Variants in RNF169 observed in about 807,000 individuals in gnomAD.
RNF169 encodes ring finger protein 169.
RNF169 carries 24 observed loss-of-function variants against 53.9 expected under a neutral mutation model. The observed-to-expected ratio is 0.45, with a 90% CI of 0.32 to 0.63. RNF169 has a LOEUF of 0.63. Ranked by LOEUF, RNF169 falls within the 20% of genes least tolerant of loss-of-function variation. RNF169 has a pLI of 0.04. For missense variants in RNF169, 883 were observed against 906.2 expected (o/e 0.97, Z 0.33); for synonymous variants, 396 against 363.5 (o/e 1.09, Z -1.02).
intron 1 of RNF169, among the ~76,000 whole-genome samples, chr11:74,778,168 T>G (rs1591398989): frequency 6.6e-6 from 1 of 152,372 alleles, no homozygotes; most frequent in East Asian, 1.9e-4. Flanking sequence ...TAAAGCTTTT[T>G]ATGATTTAGT....
intron 2 of RNF169, among the ~76,000 whole-genome samples, chr11:74,793,757 T>A (rs2035610725): frequency 6.6e-6 from 1 of 152,180 alleles, no homozygotes. Flanking sequence ...ATATTTAGAT[T>A]TTTTTCTTTC....
intron 1 of RNF169, among the ~76,000 whole-genome samples, chr11:74,753,712 C>T (rs1426625616): frequency 6.6e-6 from 1 of 151,942 alleles, no homozygotes; most frequent in African/African-American, 2.4e-5. Flanking sequence ...ATTTAAGTGA[C>T]GTTCTTAATT....
chr11:74,791,287 C>G lies in RNF169; in HGVS notation c.576+1588C>G, dbSNP rs1198538040. Reference sequence around the variant, plus strand: ...AAGTGCATACTGATTGGTCCATGGGCAGGCCTGGAAAAAGCACTGTAAGTT... The same window carrying G: ...AAGTGCATACTGATTGGTCCATGGGGAGGCCTGGAAAAAGCACTGTAAGTT... On this transcript the variant is annotated intron_variant, in intron 2 of 5. Transcript: ENST00000299563. Among the ~76,000 whole-genome samples the G allele has an allele frequency of 2.6e-5, 4 of 151,518 alleles. No individual in the cohort carries two copies. In the East Asian group the frequency reaches 7.7e-4, roughly 29 times the overall value.
intron 3 of RNF169, among the ~76,000 whole-genome samples, chr11:74,816,387 G>A (rs1469871548): frequency 1.3e-5 from 2 of 152,162 alleles, no homozygotes; most frequent in African/African-American, 2.4e-5. Flanking sequence ...ACAGTTCAGT[G>A]TGATTAGTTG....
At chr11:74,816,840 G>T (rs191412846) in intron 3 of RNF169, among the ~76,000 whole-genome samples, 38 of 152,210 alleles carry the variant, frequency 2.5e-4, no homozygotes, top group African/African-American at 8.4e-4. Context: ...TGTGAAGGTT[G>T]TAGTATCAGG....
Position 74,837,882 on chromosome 11 carries a change from T to C in RNF169, c.*1152T>C, listed in dbSNP as rs924856516. 3.3e-5 allele frequency: 5 copies of C among 152,210 alleles called. No homozygotes were observed. The highest frequency in any genetic ancestry group is 5.9e-5 in the Non-Finnish European group (4 of 68,028). 9.4% of individuals were successfully genotyped at this position (152,210 alleles called of 1,614,324 possible). On this transcript the variant is annotated 3_prime_UTR_variant, in exon 6 of 6. Coordinates refer to ENST00000299563, the MANE Select transcript of RNF169 (RefSeq NM_001098638.2). ...TGTCTTTTGCATCCCTGGTGGTGCT[T>C]GGTGCTTCTGCCCATCTGGGCTCAT... is the stretch of plus-strand genomic sequence containing the variant.
chr11:74,831,052 G>A (rs1453701147), intron 4 of RNF169: 2 of 152,148 alleles, frequency 1.3e-5, no homozygotes, highest in Admixed American at 6.5e-5. Flanking sequence ...ATCATACTCA[G>A]TGGTGAAAGA....
At chr11:74,800,723 C>A (rs1412954423) in intron 2 of RNF169, among the ~76,000 whole-genome samples, 1 of 152,156 alleles carries the variant, frequency 6.6e-6, no homozygotes, top group Non-Finnish European at 1.5e-5. Flanking sequence ...TGGAGGCTGG[C>A]AAGTTACTGA....
intron 1 of RNF169, among the ~76,000 whole-genome samples, chr11:74,761,248 G>T (rs1219193714): frequency 9.5e-5 from 14 of 147,224 alleles, no homozygotes; most frequent in Admixed American, 8.8e-4. Flanking sequence ...ACACTGATGG[G>T]TCATGACTCT....
chr11:74,763,197 T>G (rs1373923759), intron 1 of RNF169, among the ~76,000 whole-genome samples: 1 of 152,150 alleles, frequency 6.6e-6, no homozygotes, highest in Non-Finnish European at 1.5e-5. Context: ...GAAATTAATA[T>G]ACAAACAGGC....
chr11:74,753,779 T>C (rs1050494999), intron 1 of RNF169, among the ~76,000 whole-genome samples: 3 of 152,172 alleles, frequency 2.0e-5, no homozygotes, highest in African/African-American at 7.2e-5. Context: ...GTGGAAAAAG[T>C]GTAAAGAGTT....
At chr11:74,771,055 G>T (rs1282227227) in intron 1 of RNF169, among the ~76,000 whole-genome samples, 1 of 151,904 alleles carries the variant, frequency 6.6e-6, no homozygotes, top group Non-Finnish European at 1.5e-5. Context: ...GATCCCCCCC[G>T]CCTCGACCTC....
At position 74,836,361 on chromosome 11, in the gene RNF169, C is replaced by A; in HGVS notation, c.1758C>A (p.Val586=). The A allele has an allele frequency of 1.9e-6, 3 of 1,614,056 alleles. No homozygotes were observed. Among genetic ancestry groups the A allele is most frequent in the Non-Finnish European group, 2.5e-6 (3 of 1,179,948 alleles). Residue 586 remains valine (V), a synonymous_variant, in exon 6 of 6, where the codon GTC becomes GTA. Coordinates refer to ENST00000299563, the MANE Select transcript of RNF169 (RefSeq NM_001098638.2). ...CCCAAAACAGTGTTTTGGGTGGAGT[C>A]CTCAAAACAAAGCAACAATTGAAGA... is the stretch of plus-strand genomic sequence containing the variant. ...VLPQNSVLGG[V]LKTKQQLKTL...
chr11:74,766,263 C>T (rs12271211), intron 1 of RNF169, among the ~76,000 whole-genome samples: 6,280 of 152,174 alleles, frequency 0.041, 132 homozygotes, highest in African/African-American at 0.058. Flanking sequence ...GCAATACCAC[C>T]GCGTGGACAC....
intron 1 of RNF169, among the ~76,000 whole-genome samples, chr11:74,774,183 C>A (rs921295637): frequency 1.3e-5 from 2 of 151,392 alleles, no homozygotes; most frequent in Non-Finnish European, 2.9e-5. Flanking sequence ...CTGCTAAAAA[C>A]ACACACACAC....
intron 4 of RNF169, among the ~76,000 whole-genome samples, chr11:74,822,128 T>G (rs1272924613): frequency 6.6e-6 from 1 of 151,914 alleles, no homozygotes; most frequent in African/African-American, 2.4e-5. Context: ...CAACCTTAAT[T>G]TCTTGGTGGG....
At chr11:74,791,290 G>T (rs868196243) in intron 2 of RNF169, among the ~76,000 whole-genome samples, 6 of 150,958 alleles carry the variant, frequency 4.0e-5, no homozygotes, top group African/African-American at 1.5e-4. Context: ...CCATGGGCAG[G>T]CCTGGAAAAA....
chr11:74,752,227 T>C (rs2135299333), intron 1 of RNF169, among the ~76,000 whole-genome samples: 1 of 63,526 alleles, frequency 1.6e-5, no homozygotes, highest in East Asian at 8.4e-4. Context: ...GGAGACTGTC[T>C]TAAAAAAAAA....
At chr11:74,798,251 C>T (rs1591412394) in intron 2 of RNF169, among the ~76,000 whole-genome samples, 1 of 152,174 alleles carries the variant, frequency 6.6e-6, no homozygotes, top group East Asian at 1.9e-4. Context: ...TCTCTTCTTT[C>T]AAAAGCAAAT....
Sources: gnomAD v4.1 joint callset for allele counts (sites outside exome capture counted in the v4.1 genomes callset) on GRCh38, gnomAD v4.1.1 for gene constraint, MANE v1.5 for transcripts, NCBI Gene and HGNC (gene_info 2026-07-23, HGNC 2026-07-21) for gene names.